Variants in ZNF343 observed in about 807,000 individuals in gnomAD.
ZNF343 encodes zinc finger protein 343.
In ZNF343, 11 loss-of-function variants were observed where a neutral mutation model predicts 13.8. That is an observed-to-expected ratio of 0.80 (90% CI 0.50 to 1.32). The LOEUF (loss-of-function observed/expected upper bound fraction) is 1.32. Ranked by LOEUF, ZNF343 falls within the 40% of genes most tolerant of loss-of-function variation. The pLI, the probability that ZNF343 is intolerant of heterozygous loss-of-function variation, is 0.00. For missense variants in ZNF343, 658 were observed against 714.2 expected, an observed-to-expected ratio of 0.92 and a Z score of 0.90; for synonymous variants, 248 against 260.0, an observed-to-expected ratio of 0.95 and a Z score of 0.44.
chr20:2,493,152 T>C (rs555506172), intron 4 of ZNF343: 4 of 473,150 alleles, frequency 8.5e-6, no homozygotes, highest in South Asian at 2.3e-5. Context: ...AATTCAGAGA[T>C]GAAACAGCAG....
At chr20:2,497,204 G>T (rs1268132106) in intron 2 of ZNF343, among the ~76,000 whole-genome samples, 1 of 152,192 alleles carries the variant, frequency 6.6e-6, no homozygotes. Context: ...TCCAAGTGGA[G>T]ATTACAAGTA....
intron 1 of ZNF343, among the ~76,000 whole-genome samples, chr20:2,523,610 GC>G (rs2085791811): frequency 6.6e-6 from 1 of 150,882 alleles, no homozygotes; most frequent in African/African-American, 2.4e-5. Flanking sequence ...TGTTTGAGGA[GC>G]CAGAAGTTGA....
upstream of ZNF343, among the ~76,000 whole-genome samples, chr20:2,511,937 G>A (rs192254427): frequency 8.7e-4 from 132 of 152,266 alleles, 2 homozygotes; most frequent in Non-Finnish European, 1.4e-3. Context: ...ACAAGAAAAA[G>A]AAAAGCCATC....
intron 5 of ZNF343, among the ~76,000 whole-genome samples, chr20:2,488,620 G>T: frequency 6.6e-6 from 1 of 152,014 alleles, no homozygotes; most frequent in East Asian, 1.9e-4. Flanking sequence ...ATTTTTCAGT[G>T]CATTCTTGCC....
upstream of ZNF343, among the ~76,000 whole-genome samples, chr20:2,512,479 G>A (rs893636322): frequency 6.6e-6 from 1 of 152,158 alleles, no homozygotes; most frequent in African/African-American, 2.4e-5. Flanking sequence ...ATAGACCAAT[G>A]GATAGGATTG....
intron 5 of ZNF343, among the ~76,000 whole-genome samples, chr20:2,489,487 A>G (rs914442507): frequency 5.3e-5 from 8 of 152,216 alleles, no homozygotes; most frequent in African/African-American, 1.4e-4. Context: ...GCTTTGGCCA[A>G]TGAAGGTTAG....
intron 2 of ZNF343, among the ~76,000 whole-genome samples, chr20:2,497,771 C>T (rs986894300): frequency 7.9e-5 from 12 of 152,116 alleles, no homozygotes; most frequent in Non-Finnish European, 1.5e-4. Context: ...TCAAGTGGTT[C>T]CCTGATGGCC....
chr20:2,490,536 G>GTT (rs1229236547), intron 5 of ZNF343, among the ~76,000 whole-genome samples: 1 of 144,532 alleles, frequency 6.9e-6, no homozygotes, highest in Non-Finnish European at 1.5e-5. Context: ...TCTTTTTTTT[G>GTT]GTTTTTGTTT....
At chr20:2,523,829 C>T (rs1189891971) in intron 1 of ZNF343, among the ~76,000 whole-genome samples, 1 of 151,676 alleles carries the variant, frequency 6.6e-6, no homozygotes, top group Non-Finnish European at 1.5e-5. Context: ...TACAGGGGCC[C>T]ACCACCACGC....
At chr20:2,507,517 A>G (rs967976469) in intron 1 of ZNF343, among the ~76,000 whole-genome samples, 19 of 152,172 alleles carry the variant, frequency 1.2e-4, no homozygotes, top group African/African-American at 4.3e-4. Flanking sequence ...AATTCCAGAC[A>G]CCATGCAAGT....
chr20:2,500,519 T>C (rs1187031665), intron 2 of ZNF343, 137 bp downstream of exon 2: 1 of 152,074 alleles, frequency 6.6e-6, no homozygotes, highest in African/African-American at 2.4e-5. Flanking sequence ...CACCCCAGTA[T>C]TGTAGAAAAA....
chr20:2,497,862 C>G (rs931297898), intron 2 of ZNF343, among the ~76,000 whole-genome samples: 1 of 152,104 alleles, frequency 6.6e-6, no homozygotes, highest in Non-Finnish European at 1.5e-5. Flanking sequence ...CTGAACCCCC[C>G]GTACCCACCC....
intron 2 of ZNF343, among the ~76,000 whole-genome samples, chr20:2,497,646 G>A (rs113943628): frequency 6.6e-4 from 100 of 152,310 alleles, no homozygotes; most frequent in Non-Finnish European, 9.7e-4. Flanking sequence ...TGGAAAAATA[G>A]AACTGGAGGC....
At chr20:2,485,925 C>T (rs2085274362) in intron 5 of ZNF343, among the ~76,000 whole-genome samples, 1 of 152,284 alleles carries the variant, frequency 6.6e-6, no homozygotes, top group South Asian at 2.1e-4. Context: ...ACTGAGCACT[C>T]CCTGAGTCTG....
chr20:2,487,120 C>T (rs1029195799), intron 5 of ZNF343, among the ~76,000 whole-genome samples: 1 of 152,156 alleles, frequency 6.6e-6, no homozygotes, highest in African/African-American at 2.4e-5. Context: ...TCTCTGTTAA[C>T]GGGGTTGTTT....
Position 2,483,348 on chromosome 20 carries a change from A to C in ZNF343, c.1613T>G (p.Val538Gly). The change falls in exon 6 of 6, where the codon GTA becomes GGA. Residue 538 changes from valine to glycine, a missense_variant. Coordinates refer to ENST00000278772, the MANE Select transcript of ZNF343 (RefSeq NM_024325.6). ...RGFCDKSTLI[V>G]HERTHSGEKP... ...CTCTCCTGAGTGTGTCCTCTCATGT[A>C]CAATGAGGGTTGACTTGTCACAAAA... The C allele has an allele frequency of 1.9e-6, 3 of 1,610,812 alleles. No homozygotes were observed. Among genetic ancestry groups the C allele is most frequent in the Non-Finnish European group, 2.5e-6 (3 of 1,179,216 alleles).
upstream of ZNF343, among the ~76,000 whole-genome samples, chr20:2,512,464 T>A (rs2085742712): frequency 6.6e-6 from 1 of 152,158 alleles, no homozygotes; most frequent in South Asian, 2.1e-4. Flanking sequence ...GCCATAAGGG[T>A]AGACATAGAC....
At chr20:2,509,464 G>A (rs923578477), upstream of ZNF343, among the ~76,000 whole-genome samples, 1 of 152,134 alleles carries the variant, frequency 6.6e-6, no homozygotes, top group African/African-American at 2.4e-5. Flanking sequence ...CTTTCTTGTC[G>A]AAGTCCTCAA....
chr20:2,492,106 A>C (rs2085375640), intron 5 of ZNF343: 1 of 155,402 alleles, frequency 6.4e-6, no homozygotes, highest in Middle Eastern at 5.2e-4. Flanking sequence ...TTGTAAACAA[A>C]TGAAAAAGAA....
Sources: gnomAD v4.1 joint callset for allele counts (sites outside exome capture counted in the v4.1 genomes callset) on GRCh38, gnomAD v4.1.1 for gene constraint, MANE v1.5 for transcripts, NCBI Gene and HGNC (gene_info 2026-07-23, HGNC 2026-07-21) for gene names.